The following GRM1 variants were observed in gnomAD, a reference collection of about 807,000 sequenced individuals.
GRM1 encodes the protein metabotropic glutamate receptor 1.
In GRM1, 33 loss-of-function variants were observed where a neutral mutation model predicts 90.9. The ratio of observed to expected loss-of-function variants is 0.36; its 90% CI spans 0.28 to 0.49. The LOEUF (loss-of-function observed/expected upper bound fraction) is 0.49. GRM1 is among the 20% of genes least tolerant of loss of function. GRM1 has a pLI of 0.99. For missense variants in GRM1, 1,190 were observed against 1,534.3 expected (o/e 0.78, Z 3.75); for synonymous variants, 700 against 613.2 (o/e 1.14, Z -2.09).
At chr6:146,337,359 T>C (rs1784812458) in intron 3 of GRM1, among the ~76,000 whole-genome samples, 1 of 152,344 alleles carries the variant, frequency 6.6e-6, no homozygotes, top group Middle Eastern at 3.4e-3. Flanking sequence ...TTTTAAAAAA[T>C]TGGAAAATCA....
intron 1 of GRM1, among the ~76,000 whole-genome samples, chr6:146,142,507 G>A (rs1776917991): frequency 6.6e-6 from 1 of 152,108 alleles, no homozygotes; most frequent in South Asian, 2.1e-4. Context: ...AGGCCTGGGT[G>A]GATCCAGAGA....
At chr6:146,397,178 T>G (rs959337083) in intron 6 of GRM1, among the ~76,000 whole-genome samples, 9 of 152,048 alleles carry the variant, frequency 5.9e-5, no homozygotes, top group Middle Eastern at 3.2e-3. Flanking sequence ...TACATAAAAT[T>G]TTTTTTAAAA....
chr6:146,260,812 T>A (rs1413324364), intron 2 of GRM1, among the ~76,000 whole-genome samples: 1 of 97,538 alleles, frequency 1.0e-5, no homozygotes, highest in Admixed American at 9.2e-5. Context: ...GGGTTTTTTT[T>A]TTTTTTTTTT....
intron 1 of GRM1, among the ~76,000 whole-genome samples, chr6:146,036,296 T>G (rs78350917): frequency 6.6e-6 from 1 of 151,898 alleles, no homozygotes; most frequent in Non-Finnish European, 1.5e-5. Context: ...CTAAAAAAAC[T>G]CATGGCACAT....
intron 2 of GRM1, among the ~76,000 whole-genome samples, chr6:146,275,455 T>C (rs1376123178): frequency 6.6e-6 from 1 of 152,072 alleles, no homozygotes; most frequent in African/African-American, 2.4e-5. Flanking sequence ...TTTCATGGAC[T>C]CCTCAATCTC....
intron 2 of GRM1, among the ~76,000 whole-genome samples, chr6:146,269,538 C>T (rs1361584114): frequency 6.6e-6 from 1 of 152,198 alleles, no homozygotes; most frequent in African/African-American, 2.4e-5. Flanking sequence ...CCCCAACCTC[C>T]AGTCTCAGGT....
At chr6:146,265,276 T>C (rs1029953239) in intron 2 of GRM1, among the ~76,000 whole-genome samples, 8 of 152,204 alleles carry the variant, frequency 5.3e-5, no homozygotes, top group African/African-American at 1.9e-4. Flanking sequence ...ATTTCTGTGA[T>C]GATTAGTAAT....
At chr6:146,237,935 A>C (rs1281274458) in intron 2 of GRM1, among the ~76,000 whole-genome samples, 1 of 152,192 alleles carries the variant, frequency 6.6e-6, no homozygotes, top group Non-Finnish European at 1.5e-5. Context: ...GTATTTGGAC[A>C]AATTGTTTCT....
intron 1 of GRM1, among the ~76,000 whole-genome samples, chr6:146,145,231 C>A (rs1294603666): frequency 1.3e-5 from 2 of 152,080 alleles, no homozygotes; most frequent in Non-Finnish European, 2.9e-5. Flanking sequence ...ATGAAGAAAC[C>A]AAGATTGTAG....
At chr6:146,120,871 T>G (rs1036558529) in intron 1 of GRM1, among the ~76,000 whole-genome samples, 24 of 152,224 alleles carry the variant, frequency 1.6e-4, no homozygotes, top group Non-Finnish European at 2.5e-4. Flanking sequence ...GCATCGATGT[T>G]CATCAGAGAT....
At chr6:146,243,637 G>A (rs1435712258) in intron 2 of GRM1, among the ~76,000 whole-genome samples, 2 of 152,090 alleles carry the variant, frequency 1.3e-5, no homozygotes. Flanking sequence ...GGCAAATGGA[G>A]GCAGGGCGAG....
intron 2 of GRM1, among the ~76,000 whole-genome samples, chr6:146,259,863 C>A (rs1306394916): frequency 6.6e-6 from 1 of 151,406 alleles, no homozygotes; most frequent in African/African-American, 2.4e-5. Context: ...TCTTTAAGAA[C>A]TTTCATGCTG....
At chr6:146,105,362 C>T (rs552994899) in intron 1 of GRM1, among the ~76,000 whole-genome samples, 4 of 151,544 alleles carry the variant, frequency 2.6e-5, no homozygotes, top group African/African-American at 9.7e-5. Context: ...AGGCAAATAC[C>T]CTTAGTTAAA....
chr6:146,142,933 A>G (rs949662905), intron 1 of GRM1, among the ~76,000 whole-genome samples: 6 of 152,130 alleles, frequency 3.9e-5, no homozygotes, highest in Non-Finnish European at 7.4e-5. Flanking sequence ...TGTCCTCTTC[A>G]CTTTTCTCTC....
intron 1 of GRM1, among the ~76,000 whole-genome samples, chr6:146,089,371 C>G (rs1776643978): frequency 6.6e-6 from 1 of 152,084 alleles, no homozygotes; most frequent in Non-Finnish European, 1.5e-5. Context: ...GATGAGAATA[C>G]AGCCTGGATG....
chr6:146,235,580 T>A (rs1473622772), intron 2 of GRM1, among the ~76,000 whole-genome samples: 1 of 152,162 alleles, frequency 6.6e-6, no homozygotes, highest in African/African-American at 2.4e-5. Context: ...TGTTTTTTTC[T>A]TCCTTGTGTT....
At chr6:146,375,731 A>G (rs1776074401) in intron 5 of GRM1, among the ~76,000 whole-genome samples, 1 of 152,168 alleles carries the variant, frequency 6.6e-6, no homozygotes, top group South Asian at 2.1e-4. Flanking sequence ...GGTCTCCATT[A>G]GCACGGATTA....
chr6:146,059,561 C>T (rs1003784134), intron 1 of GRM1, among the ~76,000 whole-genome samples: 4 of 152,120 alleles, frequency 2.6e-5, no homozygotes, highest in African/African-American at 9.7e-5. Context: ...TCAACAGTTG[C>T]ATTAGCCCCT....
rs1466983042 is a variant in GRM1 at position 146,318,156 on chromosome 6, CT to C, written c.1186+13311del. Among the ~76,000 whole-genome samples, 9 of 152,116 alleles carry C rather than the reference CT, an allele frequency of 5.9e-5. 1 individual carries two copies. Among genetic ancestry groups the C allele is most frequent in the African/African-American group, 1.4e-4 (6 of 41,412 alleles). On this transcript the variant is annotated intron_variant, in intron 3 of 7. Transcript: ENST00000282753. ...CTAATGCTATCACTCCCCTAGCCCC[CT>C]ATCCCCCAACAGGCCCCAGTGTGTG...
Sources: allele counts gnomAD v4.1 joint callset (sites outside exome capture counted in the v4.1 genomes callset), GRCh38; gene constraint gnomAD v4.1.1; transcripts MANE v1.5; gene names NCBI Gene and HGNC (gene_info 2026-07-23, HGNC 2026-07-21).